Variants in NTNG1 observed in about 807,000 individuals in gnomAD.
NTNG1 encodes the protein netrin G1.
In NTNG1, 16 loss-of-function variants were observed where a neutral mutation model predicts 54.0. The ratio of observed to expected loss-of-function variants is 0.30; its 90% CI spans 0.20 to 0.45. NTNG1 has a LOEUF of 0.45. NTNG1 is among the 20% of genes least tolerant of loss of function. The pLI is 1.00. For synonymous variants in NTNG1, 255 were observed against 263.1 expected, an observed-to-expected ratio of 0.97 and a Z score of 0.30; for missense variants, 530 against 678.7, an observed-to-expected ratio of 0.78 and a Z score of 2.43.
intron 2 of NTNG1, among the ~76,000 whole-genome samples, chr1:107,248,136 TA>T (rs542110863): frequency 1.3e-3 from 191 of 152,330 alleles, no homozygotes; most frequent in Admixed American, 2.8e-3. Flanking sequence ...ATTATTGTAA[TA>T]AGGTACCTTG....
In NTNG1 at chr1:107,221,170, C is replaced by CT. The variant is rs567656352; in HGVS notation, c.246+72341dup. On this transcript the variant is annotated intron_variant, in intron 2 of 7. Transcript: ENST00000370068. The stretch of plus-strand genomic sequence containing the variant: ...ACAACATGAAATTGCCAATATTCAC[C>CT]TTTTTTTTTTACTATGAAAAAGGCA... 7.2e-3 allele frequency among the ~76,000 whole-genome samples: 1,069 copies of CT among 148,244 alleles called. 5 individuals carry two copies. Among genetic ancestry groups the CT allele is most frequent in the Middle Eastern group, 0.021 (6 of 288 alleles).
chr1:107,374,587 A>G lies in NTNG1; in HGVS notation c.888-20567A>G, dbSNP rs188694902. On this transcript the variant is annotated intron_variant, in intron 3 of 7. Transcript: ENST00000370068. ...TTGGGTCTTTTAAAAATATATATCT[A>G]TATATTCTATTACTTTAGTTAATGT... is the stretch of plus-strand genomic sequence containing the variant. Among the ~76,000 whole-genome samples the G allele has an allele frequency of 1.7e-3, 258 of 152,176 alleles. 1 individual carries two copies. The highest frequency in any genetic ancestry group is 0.01 in the Middle Eastern group (3 of 294).
chr1:107,223,285 G>A (rs1277413812), intron 2 of NTNG1, among the ~76,000 whole-genome samples: 1 of 151,838 alleles, frequency 6.6e-6, no homozygotes, highest in Admixed American at 6.6e-5. Context: ...TGTGTGTGAA[G>A]GTTATATAAG....
intron 3 of NTNG1, among the ~76,000 whole-genome samples, chr1:107,365,588 A>C (rs1670548774): frequency 6.6e-6 from 1 of 152,256 alleles, no homozygotes; most frequent in African/African-American, 2.4e-5. Context: ...ATGTCTATAA[A>C]TATAAAAATT....
chr1:107,220,773 T>G (rs1223788386), intron 2 of NTNG1, among the ~76,000 whole-genome samples: 1 of 152,212 alleles, frequency 6.6e-6, no homozygotes, highest in Non-Finnish European at 1.5e-5. Context: ...ATGCATTTCC[T>G]AGTTATTTTA....
intron 7 of NTNG1, among the ~76,000 whole-genome samples, chr1:107,460,888 G>A (rs560923674): frequency 1.3e-5 from 2 of 152,290 alleles, no homozygotes; most frequent in South Asian, 2.1e-4. Context: ...ATGGTGTTCA[G>A]TAGTTGTCAT....
In NTNG1 at chr1:107,406,443, G is replaced by A. The variant is rs144968374; in HGVS notation, c.1061-1239G>A. Among the ~76,000 whole-genome samples the A allele has an allele frequency of 1.7e-3, 266 of 152,144 alleles. 2 individuals carry two copies. The highest frequency in any genetic ancestry group is 6.0e-3 in the African/African-American group (251 of 41,524). Reference sequence around the variant, plus strand: ...GACATTTTTATGGATTATCTCATTCGATCCTCACGGCAGCCCTATGCAGTA... The same window carrying A: ...GACATTTTTATGGATTATCTCATTCAATCCTCACGGCAGCCCTATGCAGTA... On this transcript the variant is annotated intron_variant, in intron 4 of 7. Coordinates refer to ENST00000370068, the MANE Select transcript of NTNG1 (RefSeq NM_001113226.3).
intron 6 of NTNG1, among the ~76,000 whole-genome samples, chr1:107,435,292 A>G (rs1376281949): frequency 1.3e-5 from 2 of 152,204 alleles, no homozygotes; most frequent in Non-Finnish European, 2.9e-5. Context: ...ATCTGCTTCC[A>G]TATACACATG....
chr1:107,397,076 C>T (rs537471817), intron 4 of NTNG1, among the ~76,000 whole-genome samples: 17 of 152,334 alleles, frequency 1.1e-4, no homozygotes, highest in African/African-American at 3.8e-4. Flanking sequence ...TACCCCGAAT[C>T]CTTTGCATAT....
chr1:107,242,074 G>A (rs529693118), intron 2 of NTNG1, among the ~76,000 whole-genome samples: 29 of 152,146 alleles, frequency 1.9e-4, no homozygotes, highest in African/African-American at 6.3e-4. Flanking sequence ...CCAGGAGTTC[G>A]ACACCACCTG....
rs564835539 is a variant in NTNG1, at chr1:107,232,188, A to G, written c.246+83349A>G. On this transcript the variant is annotated intron_variant, in intron 2 of 7. Transcript: ENST00000370068. ...ATTTCAAGATCAGATCCTTTCTACT[A>G]TAATAGTATCTTTTCAAATGAAGGC... Among the ~76,000 whole-genome samples the G allele has an allele frequency of 7.2e-5, 11 of 152,304 alleles. No individual in the cohort carries two copies. In the East Asian group the frequency reaches 1.9e-3, roughly 27 times the overall value.
At chr1:107,253,285 CT>C (rs1662724616) in intron 2 of NTNG1, among the ~76,000 whole-genome samples, 1 of 152,156 alleles carries the variant, frequency 6.6e-6, no homozygotes, top group Non-Finnish European at 1.5e-5. Flanking sequence ...ACTTTTTACT[CT>C]TGAGGGCAGC....
intron 2 of NTNG1, among the ~76,000 whole-genome samples, chr1:107,171,192 T>C (rs1290559393): frequency 6.6e-6 from 1 of 152,204 alleles, no homozygotes; most frequent in African/African-American, 2.4e-5. Context: ...AAATGCTCAG[T>C]AAATATTTTT....
intron 5 of NTNG1, chr1:107,418,634 A>G (rs1432880920): frequency 6.3e-7 from 1 of 1,598,366 alleles, no homozygotes; most frequent in African/African-American, 1.3e-5. Flanking sequence ...GAGGTTTCTA[A>G]CCCAAAACAA....
chr1:107,339,185 AG>A (rs1668764217), intron 3 of NTNG1, among the ~76,000 whole-genome samples: 1 of 152,026 alleles, frequency 6.6e-6, no homozygotes. Flanking sequence ...CAGCTCCACT[AG>A]GGGCTCTCAA....
intron 3 of NTNG1, among the ~76,000 whole-genome samples, chr1:107,330,439 G>A (rs896396560): frequency 6.6e-6 from 1 of 152,134 alleles, no homozygotes; most frequent in African/African-American, 2.4e-5. Context: ...CTCAAGTGGA[G>A]AATCCAGAAA....
At chr1:107,235,900 T>G (rs1661379809) in intron 2 of NTNG1, among the ~76,000 whole-genome samples, 1 of 152,156 alleles carries the variant, frequency 6.6e-6, no homozygotes, top group Non-Finnish European at 1.5e-5. Flanking sequence ...TACTGAAATT[T>G]AATCAGAAGA....
At chr1:107,455,565 G>A in intron 7 of NTNG1, 7 of 474,628 alleles carry the variant, frequency 1.5e-5, no homozygotes, top group South Asian at 3.0e-5. Flanking sequence ...CTCGCTCTGA[G>A]AGCCCAATAT....
chr1:107,291,334 T>C (rs997055978), intron 2 of NTNG1, among the ~76,000 whole-genome samples: 7 of 152,188 alleles, frequency 4.6e-5, no homozygotes, highest in African/African-American at 1.7e-4. Flanking sequence ...ACCAATTCTT[T>C]ATTTTATCAG....
Sources: gnomAD v4.1 joint callset for allele counts (sites outside exome capture counted in the v4.1 genomes callset) on GRCh38, gnomAD v4.1.1 for gene constraint, MANE v1.5 for transcripts, NCBI Gene and HGNC (gene_info 2026-07-23, HGNC 2026-07-21) for gene names.